The following ZNF91 variants were observed in gnomAD, a reference collection of about 807,000 sequenced individuals.
ZNF91 encodes the protein zinc finger protein 91.
ZNF91 carries 7 observed loss-of-function variants against 12.6 expected under a neutral mutation model. That is an observed-to-expected ratio of 0.55 (90% confidence interval 0.31 to 1.04). The LOEUF is 1.04. Ranked by LOEUF, ZNF91 falls within the 50% of genes least tolerant of loss-of-function variation. The pLI, the probability that ZNF91 is intolerant of heterozygous loss-of-function variation, is 0.05. For missense variants in ZNF91, 1,217 were observed against 1,385.4 expected, an observed-to-expected ratio of 0.88 and a Z score of 1.93; for synonymous variants, 453 against 462.6, an observed-to-expected ratio of 0.98 and a Z score of 0.27.
intron 3 of ZNF91, among the ~76,000 whole-genome samples, chr19:23,305,482 TC>T (rs776181000): frequency 2.0e-4 from 30 of 152,152 alleles, no homozygotes; most frequent in Non-Finnish European, 3.4e-4. Flanking sequence ...GTTACCTCAT[TC>T]TAGGTGATTT....
At chr19:23,370,321 T>C (rs1969223762) in intron 3 of ZNF91, among the ~76,000 whole-genome samples, 1 of 152,140 alleles carries the variant, frequency 6.6e-6, no homozygotes, top group South Asian at 2.1e-4. Context: ...ATGATTTCAC[T>C]AAGATATATA....
At chr19:23,310,327 G>C (rs1599677810) in intron 1 of ZNF91, among the ~76,000 whole-genome samples, 2 of 152,180 alleles carry the variant, frequency 1.3e-5, no homozygotes, top group East Asian at 3.9e-4. Flanking sequence ...CATACCTGGA[G>C]ACAGTCAAAA....
chr19:23,393,684 G>A (rs1388953473), intron 1 of ZNF91, among the ~76,000 whole-genome samples: 1 of 151,566 alleles, frequency 6.6e-6, no homozygotes, highest in African/African-American at 2.4e-5. Context: ...TTTTAAATGT[G>A]CCATCAAATG....
intron 1 of ZNF91, among the ~76,000 whole-genome samples, chr19:23,331,163 A>G (rs988104545): frequency 2.0e-5 from 3 of 152,222 alleles, no homozygotes; most frequent in Admixed American, 6.5e-5. Context: ...TACATTTTCT[A>G]TGCTTTGGGG....
rs1266052176 is a variant in ZNF91, at chr19:23,360,674, G to C, written c.2305C>G (p.Pro769Ala). 5 of 1,613,544 alleles carry C rather than the reference G, an allele frequency of 3.1e-6. No homozygotes were observed. The highest frequency in any genetic ancestry group is 4.2e-6 in the Non-Finnish European group (5 of 1,179,850). ...KHKRIHTREK[P>A]FKCKECGKAF... ...TTGCCACATTCTTTACATTTGAAGG[G>C]TTTCTCTCTAGTATGAATTCTTTTA... is the stretch of plus-strand genomic sequence containing the variant. Residue 769 changes from proline to alanine, a missense_variant, in exon 4 of 4, where the codon CCC becomes GCC. Coordinates refer to ENST00000300619, the MANE Select transcript of ZNF91 (RefSeq NM_003430.4).
chr19:23,368,935 T>C (rs1316609754), intron 3 of ZNF91, among the ~76,000 whole-genome samples: 1 of 152,044 alleles, frequency 6.6e-6, no homozygotes, highest in East Asian at 1.9e-4. Context: ...AAAATCACAA[T>C]GAGAAACAAA....
chr19:23,328,628 C>G (rs1967877725), intron 1 of ZNF91: 1 of 152,122 alleles, frequency 6.6e-6, no homozygotes, highest in Non-Finnish European at 1.5e-5. Flanking sequence ...TATTTTTACC[C>G]AAGTAGTAAA....
intron 1 of ZNF91, chr19:23,325,903 C>G (rs1967827639): frequency 6.6e-6 from 1 of 152,212 alleles, no homozygotes; most frequent in African/African-American, 2.4e-5. Context: ...AACATCTCTT[C>G]CCTCCCTGTT....
At chr19:23,378,668 G>C (rs1450012492) in intron 1 of ZNF91, among the ~76,000 whole-genome samples, 1 of 152,082 alleles carries the variant, frequency 6.6e-6, no homozygotes, top group Admixed American at 6.6e-5. Context: ...ATTAATATAT[G>C]TTCAGGTGTA....
chr19:23,374,619 G>C lies in ZNF91; in HGVS notation c.157+19C>G, dbSNP rs1353562435. On this transcript the variant is annotated intron_variant, in intron 2 of 3. Coordinates refer to ENST00000300619, the MANE Select transcript of ZNF91 (RefSeq NM_003430.4). ...ACCATTAGTTTATATTAGAAACTTAGTATTAAAGTTTTCCTTACCCAGGAA... is the reference window on the plus strand; with the variant it reads ...ACCATTAGTTTATATTAGAAACTTACTATTAAAGTTTTCCTTACCCAGGAA... 1 of 1,530,186 alleles carries C rather than the reference G, an allele frequency of 6.5e-7. No individual in the cohort carries two copies. The highest frequency in any genetic ancestry group is 9.0e-7 in the Non-Finnish European group (1 of 1,115,820). 94.8% of individuals were successfully genotyped at this position (1,530,186 alleles called of 1,614,324 possible).
At chr19:23,345,260 C>A (rs295392) in intron 3 of ZNF91, among the ~76,000 whole-genome samples, 1 of 151,896 alleles carries the variant, frequency 6.6e-6, no homozygotes, top group African/African-American at 2.4e-5. Context: ...TATGGGAAAT[C>A]TCAAGTTTTC....
chr19:23,385,155 G>A (rs532428016), intron 1 of ZNF91: 27 of 715,276 alleles, frequency 3.8e-5, no homozygotes, highest in Admixed American at 1.7e-4. Context: ...ACCATCCCGC[G>A]TCATGCAAGC....
intron 3 of ZNF91, chr19:23,340,149 C>G (rs1040692380): frequency 2.0e-4 from 30 of 151,820 alleles, no homozygotes; most frequent in African/African-American, 6.8e-4. Context: ...AAATTAATAA[C>G]AAATCAAATC....
At chr19:23,330,335 GAA>G (rs200975259) in intron 1 of ZNF91, among the ~76,000 whole-genome samples, 28 of 131,050 alleles carry the variant, frequency 2.1e-4, no homozygotes, top group Admixed American at 1.8e-3. Context: ...CGTCTCAAAA[GAA>G]AAAAAAAAAA....
At chr19:23,378,602 GATAA>G (rs763560256) in intron 1 of ZNF91, among the ~76,000 whole-genome samples, 7 of 152,052 alleles carry the variant, frequency 4.6e-5, no homozygotes, top group African/African-American at 7.2e-5. Flanking sequence ...TTTTTTAGAT[GATAA>G]ATAAGTATTC....
At chr19:23,380,765 CA>C (rs1207934694) in intron 1 of ZNF91, 1 of 152,178 alleles carries the variant, frequency 6.6e-6, no homozygotes, top group Non-Finnish European at 1.5e-5. Flanking sequence ...GGCACATTAT[CA>C]GCAGAATTTT....
intron 2 of ZNF91, among the ~76,000 whole-genome samples, chr19:23,374,389 A>G (rs1969419977): frequency 1.4e-5 from 1 of 73,146 alleles, no homozygotes; most frequent in Admixed American, 1.8e-4. Context: ...TAAAAATACC[A>G]AAAAAAAAAA....
At chr19:23,377,880 G>A (rs753519908) in intron 1 of ZNF91, among the ~76,000 whole-genome samples, 13 of 152,164 alleles carry the variant, frequency 8.5e-5, no homozygotes, top group Admixed American at 6.5e-5. Flanking sequence ...AACACCCTGT[G>A]AGTTGATACT....
chr19:23,311,754 C>T (rs957227627), upstream of ZNF91, among the ~76,000 whole-genome samples: 1 of 152,116 alleles, frequency 6.6e-6, no homozygotes, highest in African/African-American at 2.4e-5. Context: ...GCCTGGCCCC[C>T]ACGTATATTG....
Sources: allele counts gnomAD v4.1 joint callset (sites outside exome capture counted in the v4.1 genomes callset), GRCh38; gene constraint gnomAD v4.1.1; transcripts MANE v1.5; gene names NCBI Gene and HGNC (gene_info 2026-07-23, HGNC 2026-07-21).